Variants in DPPA4 observed in about 807,000 individuals in gnomAD.
The protein encoded by DPPA4 is developmental pluripotency associated 4, also known as developmental pluripotency-associated protein 4.
In DPPA4, 22 loss-of-function variants were observed where a neutral mutation model predicts 33.7. The ratio of observed to expected loss-of-function variants is 0.65; its 90% CI spans 0.47 to 0.93. The LOEUF (loss-of-function observed/expected upper bound fraction) is 0.93. Among genes scored for constraint, DPPA4 ranks in the 40% least tolerant of loss-of-function variants. DPPA4 has a pLI of 0.00. For missense variants in DPPA4, 340 were observed against 358.6 expected, an observed-to-expected ratio of 0.95 and a Z score of 0.42; for synonymous variants, 156 against 132.3, an observed-to-expected ratio of 1.18 and a Z score of -1.23.
At chr3:109,335,698 G>A (rs1224307323) in intron 1 of DPPA4, among the ~76,000 whole-genome samples, 1 of 151,870 alleles carries the variant, frequency 6.6e-6, no homozygotes, top group African/African-American at 2.4e-5. Flanking sequence ...CCAAAGTGCT[G>A]GGATTACAGG....
chr3:109,330,928 A>G, intron 4 of DPPA4, 116 bp from the exon 5 acceptor site: 1 of 969,248 alleles, frequency 1.0e-6, no homozygotes, highest in Non-Finnish European at 1.5e-6. Context: ...GGTTCAAGAG[A>G]TCTATTGTAC....
rs1484120684 is a variant in DPPA4 at position 109,327,017 on chromosome 3, T to C, written c.*971A>G. On this transcript the variant is annotated 3_prime_UTR_variant, in exon 7 of 7. Transcript: ENST00000335658. ...AACACATTTTAAATTCAATATATTA[T>C]GTATTTATGAGCGGGAAGCAACCTT... The C allele has an allele frequency of 1.3e-5, 2 of 152,222 alleles. No individual in the cohort carries two copies. Among genetic ancestry groups the C allele is most frequent in the African/African-American group, 2.4e-5 (1 of 41,458 alleles). The allele number at this position is 152,222 out of a possible 1,614,324, so 9.4% of individuals were successfully genotyped here.
intron 4 of DPPA4, among the ~76,000 whole-genome samples, 159 bp downstream of exon 4, chr3:109,331,575 A>G (rs1277512025): frequency 6.6e-6 from 1 of 150,568 alleles, no homozygotes; most frequent in Non-Finnish European, 1.5e-5. Context: ...AAAGAAAGAA[A>G]GAAAGAAAAA....
intron 1 of DPPA4, among the ~76,000 whole-genome samples, chr3:109,337,063 G>T (rs551191661): frequency 1.3e-5 from 2 of 152,048 alleles, no homozygotes; most frequent in Admixed American, 1.3e-4. Flanking sequence ...ACCACACCTG[G>T]CTAATTTTGT....
chr3:109,335,320 T>C (rs1483632920), intron 1 of DPPA4, among the ~76,000 whole-genome samples: 2 of 152,088 alleles, frequency 1.3e-5, no homozygotes, highest in Non-Finnish European at 2.9e-5. Flanking sequence ...AGGTGAGGTC[T>C]CCCTATGTCT....
rs1559705160 is a variant in DPPA4, at chr3:109,326,290, T to A, written c.*1698A>T. On this transcript the variant is annotated 3_prime_UTR_variant, in exon 7 of 7. Transcript: ENST00000335658. ...AAAGGAAGGAAACAGAACAGAAACT[T>A]GACCCATCCAAATAAAGCAGGGGAG... 1.3e-5 allele frequency: 2 copies of A among 151,918 alleles called. No homozygotes were observed. The highest frequency in any genetic ancestry group is 2.4e-5 in the African/African-American group (1 of 41,360). 9.4% of individuals were successfully genotyped at this position (151,918 alleles called of 1,614,324 possible). A position where few individuals can be genotyped will look rare whatever the true frequency, so the allele number is the denominator to read the frequency against.
At position 109,331,276 on chromosome 3, in the gene DPPA4, A is replaced by G. The variant is rs1157218806; in HGVS notation, c.390+458T>C. Among the ~76,000 whole-genome samples, 13 of 147,980 alleles carry G rather than the reference A, an allele frequency of 8.8e-5. No individual in the cohort carries two copies. The Admixed American group carries it at 8.8e-4, about 10-fold the overall frequency. On this transcript the variant is annotated intron_variant, in intron 4 of 6. Coordinates refer to ENST00000335658, the MANE Select transcript of DPPA4 (RefSeq NM_018189.4). ...ACTCTGTCTCAAAAAAAAAAAAAAAAAAAAAAAAGAAAGAAAAGAAAAGAA... is the reference window on the plus strand; with the variant it reads ...ACTCTGTCTCAAAAAAAAAAAAAAAGAAAAAAAAGAAAGAAAAGAAAAGAA...
chr3:109,329,309 G>A (rs538944985), intron 5 of DPPA4: 247 of 499,670 alleles, frequency 4.9e-4, no homozygotes, highest in African/African-American at 4.5e-3. Context: ...GCCGAGGCGG[G>A]TGGATCACGA....
At chr3:109,332,259 G>A (rs1708099034) in intron 2 of DPPA4, 3 of 297,988 alleles carry the variant, frequency 1.0e-5, no homozygotes, top group South Asian at 7.3e-5. Context: ...CCACCACCAC[G>A]CCCGGCTAAT....
rs879502804 is a variant in DPPA4, at chr3:109,334,532, CA to C, written c.55-540del. The stretch of plus-strand genomic sequence containing the variant: ...CCTGGGTGACAGAATGAGACTGTCT[CA>C]AAAAAAAAAAAGAGGCCCTTAACTC... On this transcript the variant is annotated intron_variant, in intron 1 of 6. Coordinates refer to ENST00000335658, the MANE Select transcript of DPPA4 (RefSeq NM_018189.4). Among the ~76,000 whole-genome samples the C allele has an allele frequency of 5.8e-3, 800 of 138,004 alleles. 4 individuals are homozygous for C. Among genetic ancestry groups the C allele is most frequent in the African/African-American group, 0.015 (580 of 37,756 alleles). The allele number at this position is 138,004 out of a possible 152,430, so 90.5% of individuals were successfully genotyped here.
intron 1 of DPPA4, 123 bp downstream of exon 1, chr3:109,337,341 A>T: frequency 3.7e-6 from 3 of 817,628 alleles, no homozygotes; most frequent in South Asian, 1.6e-5. Context: ...TAAAAAAAAA[A>T]AAAGTCAAGA....
In DPPA4 at chr3:109,336,207, T is replaced by C. The variant is rs1055310311; in HGVS notation, c.54+1257A>G. ...TAAATCTAAATCCTTTTCTTCACTT[T>C]CAGGGTGGATTACTGGACAAATTAA... On this transcript the variant is annotated intron_variant, in intron 1 of 6. Transcript: ENST00000335658. The C allele has an allele frequency of 3.9e-5, 6 of 152,110 alleles. 1 individual carries two copies. Among genetic ancestry groups the C allele is most frequent in the South Asian group, 4.2e-4 (2 of 4,818 alleles). 9.4% of individuals were successfully genotyped at this position (152,110 alleles called of 1,614,324 possible).
chr3:109,334,048 A>G (rs1006929343), intron 1 of DPPA4, 55 bp from the exon 2 acceptor site: 5 of 1,596,228 alleles, frequency 3.1e-6, no homozygotes, highest in East Asian at 2.2e-5. Context: ...CCACACATAC[A>G]CTACCTGCCT....
chr3:109,334,879 C>A (rs911329057), intron 1 of DPPA4, among the ~76,000 whole-genome samples: 2 of 152,222 alleles, frequency 1.3e-5, no homozygotes, highest in African/African-American at 4.8e-5. Context: ...TCTTACTCTT[C>A]TTTTAAAAGT....
In DPPA4 at chr3:109,330,737, T is replaced by A. The variant is rs933603168; in HGVS notation, c.466A>T (p.Thr156Ser). The change falls in exon 5 of 7, where the codon ACG (threonine) becomes TCG (serine). Residue 156 changes from threonine to serine, a missense_variant. By Grantham distance (58) the Thr-to-Ser change is moderately conservative (BLOSUM62 1). Transcript: ENST00000335658. ...TGTGTCTCAGAACTTTGCAGGGACG[T>A]TTCCCCCTTTTCCACCTTTAATTTT... ...QKKLKVEKGE[T>S]SLQSSETHPP... 6.2e-7 allele frequency: 1 copy of A among 1,614,122 alleles called. No homozygotes were observed. Among genetic ancestry groups the A allele is most frequent in the Non-Finnish European group, 8.5e-7 (1 of 1,180,018 alleles).
At chr3:109,333,790 C>G in intron 2 of DPPA4, 80 bp downstream of exon 2, 1 of 1,531,802 alleles carries the variant, frequency 6.5e-7, no homozygotes, top group African/African-American at 1.4e-5. Context: ...AATTTCTTCC[C>G]TGGTTTTTCT....
rs112507105 is a variant in DPPA4, at chr3:109,326,775, C to G, written c.*1213G>C. On this transcript the variant is annotated 3_prime_UTR_variant, in exon 7 of 7. Coordinates refer to ENST00000335658, the MANE Select transcript of DPPA4 (RefSeq NM_018189.4). ...GCAGCTTTTTGTATGTGAATCATAC[C>G]TAAGTAGTTTTAAAAACAAATGATC... is the stretch of plus-strand genomic sequence containing the variant. 2.0e-4 allele frequency: 30 copies of G among 152,128 alleles called. No homozygotes were observed. Among genetic ancestry groups the G allele is most frequent in the African/African-American group, 7.0e-4 (29 of 41,508 alleles). The allele number at this position is 152,128 out of a possible 1,614,324, so 9.4% of individuals were successfully genotyped here.
chr3:109,338,889 T>G (rs1023255716), upstream of DPPA4, among the ~76,000 whole-genome samples: 8 of 151,190 alleles, frequency 5.3e-5, no homozygotes, highest in African/African-American at 1.7e-4. Flanking sequence ...GAACGTAACA[T>G]TCAGAATAAC....
intron 1 of DPPA4, among the ~76,000 whole-genome samples, chr3:109,334,510 G>A (rs1332073672): frequency 1.3e-5 from 2 of 151,976 alleles, no homozygotes; most frequent in Non-Finnish European, 2.9e-5. Context: ...ACTCCAGCCT[G>A]GGTGACAGAA....
Sources: gnomAD v4.1 joint callset for allele counts (sites outside exome capture counted in the v4.1 genomes callset) on GRCh38, gnomAD v4.1.1 for gene constraint, MANE v1.5 for transcripts, NCBI Gene and HGNC (gene_info 2026-07-23, HGNC 2026-07-21) for gene names.